ARK2C: variants seen among roughly 807,000 people sequenced by gnomAD.
The protein encoded by ARK2C is E3 ubiquitin-protein ligase ARK2C.
At chr18:46,424,084 A>T in the ARK2C span, among the ~76,000 whole-genome samples, 4 of 152,248 alleles carry the variant, frequency 2.6e-5, no homozygotes, top group Non-Finnish European at 5.9e-5. Context: ...GATAAAATTC[A>T]TACACAAACA....
At chr18:46,353,367 T>C in the ARK2C span, among the ~76,000 whole-genome samples, 3 of 152,132 alleles carry the variant, frequency 2.0e-5, no homozygotes, top group Admixed American at 1.3e-4. Context: ...CCAGAGTCCA[T>C]GGAAAGCACC....
the ARK2C span, chr18:46,450,338 T>A: frequency 6.2e-7 from 1 of 1,614,142 alleles, no homozygotes; most frequent in Non-Finnish European, 8.5e-7. Context: ...TCAGCTTCAC[T>A]TCCTTGCTCT....
chr18:46,428,841 TA>T, the ARK2C span, among the ~76,000 whole-genome samples: 2 of 152,252 alleles, frequency 1.3e-5, no homozygotes, highest in African/African-American at 4.8e-5. Flanking sequence ...CTAGGAAATG[TA>T]AAATTCCCTG....
chr18:46,353,593 C>T, the ARK2C span, among the ~76,000 whole-genome samples: 1 of 152,342 alleles, frequency 6.6e-6, no homozygotes, highest in African/African-American at 2.4e-5. Flanking sequence ...CCACTCCATC[C>T]CTCTACAAAT....
At chr18:46,396,697 A>AACATGG in the ARK2C span, among the ~76,000 whole-genome samples, 1 of 152,288 alleles carries the variant, frequency 6.6e-6, no homozygotes, top group Middle Eastern at 3.4e-3. Flanking sequence ...CGGGACCATG[A>AACATGG]ACCAAAGCTT....
At chr18:46,432,870 G>A in the ARK2C span, among the ~76,000 whole-genome samples, 1 of 152,182 alleles carries the variant, frequency 6.6e-6, no homozygotes, top group African/African-American at 2.4e-5. Context: ...GCGTGAATCC[G>A]GGAGGCGGAG....
At chr18:46,412,690 T>A in the ARK2C span, among the ~76,000 whole-genome samples, 1 of 152,170 alleles carries the variant, frequency 6.6e-6, no homozygotes, top group East Asian at 1.9e-4. Flanking sequence ...CGGAAGGGAA[T>A]TGCTGGTGGT....
chr18:46,364,560 A>G, the ARK2C span, among the ~76,000 whole-genome samples: 1 of 152,082 alleles, frequency 6.6e-6, no homozygotes, highest in Non-Finnish European at 1.5e-5. Context: ...CTAACTGGAA[A>G]AGCCTTCACA....
the ARK2C span, among the ~76,000 whole-genome samples, chr18:46,427,002 T>C: frequency 6.6e-6 from 1 of 152,224 alleles, no homozygotes; most frequent in African/African-American, 2.4e-5. Flanking sequence ...TCCTTGGATC[T>C]TAGGGACCAA....
the ARK2C span, among the ~76,000 whole-genome samples, chr18:46,361,788 C>T: frequency 7.9e-5 from 12 of 152,208 alleles, no homozygotes; most frequent in Admixed American, 5.2e-4. Flanking sequence ...TTGTTGCTGG[C>T]TGTGTGCTCC....
chr18:46,363,211 C>G, the ARK2C span, among the ~76,000 whole-genome samples: 2 of 152,194 alleles, frequency 1.3e-5, no homozygotes, highest in Admixed American at 6.5e-5. Flanking sequence ...ACTGTGTTGT[C>G]AGCCAAGAAC....
At chr18:46,456,415 C>A in the ARK2C span, 1 of 821,238 alleles carries the variant, frequency 1.2e-6, no homozygotes, top group East Asian at 2.4e-5. Context: ...CACAGCCTCC[C>A]TCCATAGCCG....
At chr18:46,371,033 C>T in the ARK2C span, among the ~76,000 whole-genome samples, 2 of 152,088 alleles carry the variant, frequency 1.3e-5, no homozygotes, top group African/African-American at 4.8e-5. Context: ...CTAGGGAGGC[C>T]TCACAATCAT....
At chr18:46,424,507 A>T in the ARK2C span, among the ~76,000 whole-genome samples, 3 of 152,196 alleles carry the variant, frequency 2.0e-5, no homozygotes, top group Non-Finnish European at 4.4e-5. Flanking sequence ...GCTGGGTGTC[A>T]CATCACAGCT....
chr18:46,370,817 A>T, the ARK2C span, among the ~76,000 whole-genome samples: 2 of 152,148 alleles, frequency 1.3e-5, no homozygotes, highest in Non-Finnish European at 2.9e-5. Context: ...GGAGGCCAAG[A>T]TCCTACAAGC....
chr18:46,433,215 T>C, the ARK2C span: 1 of 1,598,346 alleles, frequency 6.3e-7, no homozygotes, highest in Non-Finnish European at 8.5e-7. Flanking sequence ...GGTCTCAGCA[T>C]CCTCACGCTA....
chr18:46,336,452 CA>C, the ARK2C span: 1 of 985,374 alleles, frequency 1.0e-6, no homozygotes, highest in Non-Finnish European at 1.2e-6. Flanking sequence ...AACATGCCCA[CA>C]GGAAATTCAA....
the ARK2C span, among the ~76,000 whole-genome samples, chr18:46,365,544 C>T: frequency 2.0e-5 from 3 of 152,188 alleles, no homozygotes; most frequent in Non-Finnish European, 4.4e-5. Context: ...TGCTCTGTCG[C>T]CCAGCCTGGA....
At chr18:46,410,443 G>A in the ARK2C span, among the ~76,000 whole-genome samples, 1 of 152,224 alleles carries the variant, frequency 6.6e-6, no homozygotes, top group Non-Finnish European at 1.5e-5. Context: ...CTGTGTGAAG[G>A]ACTGAACCCG....
Sources: gnomAD v4.1 joint callset for allele counts (sites outside exome capture counted in the v4.1 genomes callset) on GRCh38, gnomAD v4.1.1 for gene constraint, MANE v1.5 for transcripts, NCBI Gene and HGNC (gene_info 2026-07-23, HGNC 2026-07-21) for gene names.